OGG1: variants seen among roughly 807,000 people sequenced by gnomAD.
The protein encoded by OGG1 is 8-oxoguanine DNA glycosylase, also known as N-glycosylase/DNA lyase.
OGG1 carries 35 observed loss-of-function variants against 42.3 expected under a neutral mutation model. The ratio of observed to expected loss-of-function variants is 0.83; its 90% CI spans 0.63 to 1.10. OGG1 has a LOEUF of 1.10. Among genes scored for constraint, OGG1 ranks in the 50% least tolerant of loss-of-function variants. The probability of loss-of-function intolerance (pLI) is 0.00; values close to 1 mark genes in which losing one functional copy is unlikely to be tolerated. For synonymous variants in OGG1, 189 were observed against 179.0 expected, an observed-to-expected ratio of 1.06 and a Z score of -0.44; for missense variants, 484 against 446.7, an observed-to-expected ratio of 1.08 and a Z score of -0.75.
downstream of OGG1, among the ~76,000 whole-genome samples, chr3:9,771,702 A>C (rs1300295967): frequency 6.6e-6 from 1 of 151,384 alleles, no homozygotes; most frequent in Non-Finnish European, 1.5e-5. Flanking sequence ...CCCACCAAGC[A>C]CACCCACTGA....
At chr3:9,765,980 TG>T in exon 8 of OGG1, 1 of 1,614,188 alleles carries the variant, frequency 6.2e-7, no homozygotes. Context: ...CTGTGACCAC[TG>T]CTGGACCAAG....
At chr3:9,784,121 G>A (rs548979963) in intron 3 of OGG1, 4 of 1,614,206 alleles carry the variant, frequency 2.5e-6, no homozygotes, top group Middle Eastern at 1.6e-4. Context: ...CTCATCCTCG[G>A]AGTCCTCTGC....
At chr3:9,782,169 T>C (rs999809977) in intron 3 of OGG1, among the ~76,000 whole-genome samples, 2 of 152,178 alleles carry the variant, frequency 1.3e-5, no homozygotes, top group African/African-American at 4.8e-5. Flanking sequence ...TGCACATGCC[T>C]GCTTTTCTCT....
rs1372596554 is a variant in OGG1, at chr3:9,784,294, G to C, written c.382+2694G>C. On this transcript the variant is annotated intron_variant, in intron 3 of 3. Coordinates refer to the OGG1 transcript ENST00000426518. ...CTTGGAGGTTCCCAGGGCTTCCCAA[G>C]GTCAGTGAAAACCTGCCTTTCCCTT... 7.3e-6 allele frequency: 11 copies of C among 1,505,602 alleles called. No homozygotes were observed. In the East Asian group the frequency reaches 2.1e-4, roughly 29 times the overall value. 93.3% of individuals were successfully genotyped at this position (1,505,602 alleles called of 1,614,324 possible). A position where few individuals can be genotyped will look rare whatever the true frequency, so the allele number is the denominator to read the frequency against.
At chr3:9,782,523 C>T (rs561814406) in intron 3 of OGG1, among the ~76,000 whole-genome samples, 83 of 152,348 alleles carry the variant, frequency 5.4e-4, no homozygotes, top group African/African-American at 2.0e-3. Context: ...GCAACTACCT[C>T]TCCTTTTAAT....
At chr3:9,788,206 G>A (rs1173110659) in exon 4 of OGG1, 1 of 155,098 alleles carries the variant, frequency 6.4e-6, no homozygotes, top group Non-Finnish European at 1.4e-5. Context: ...TTCTTTAATG[G>A]AGCATGTTTT....
intron 4 of OGG1, 78 bp from the exon 5 acceptor site, chr3:9,756,393 C>T: frequency 6.8e-7 from 1 of 1,464,910 alleles, no homozygotes. Flanking sequence ...GAGAAAGCAG[C>T]CGGCTTTGGG....
At chr3:9,789,459 T>G, downstream of OGG1, 2 of 1,551,046 alleles carry the variant, frequency 1.3e-6, no homozygotes, top group Middle Eastern at 1.9e-4. Flanking sequence ...CTCAGGCACC[T>G]CTGAACTCTC....
chr3:9,773,829 G>T (rs1259192486), intron 2 of OGG1, among the ~76,000 whole-genome samples: 1 of 152,084 alleles, frequency 6.6e-6, no homozygotes, highest in East Asian at 1.9e-4. Context: ...AGTAGCTGGG[G>T]CTGCAGGTGT....
Position 9,766,625 on chromosome 3 carries a change from G to A in OGG1, c.*794G>A, listed in dbSNP as rs546428094. 69 of 1,045,534 alleles carry A rather than the reference G, an allele frequency of 6.6e-5. No homozygotes were observed. In the East Asian group the frequency reaches 4.5e-3, roughly 67 times the overall value. 64.8% of individuals were successfully genotyped at this position (1,045,534 alleles called of 1,614,324 possible). A position where few individuals can be genotyped will look rare whatever the true frequency, so the allele number is the denominator to read the frequency against. ...GTGTTTTAGAACAGGTTCTTAAAAA[G>A]GAACAAATAAACTCATTTAACTAAA... On this transcript the variant is annotated 3_prime_UTR_variant, in exon 8 of 8. Transcript: ENST00000302008.
At chr3:9,751,424 C>T (rs1247144742) in intron 2 of OGG1, among the ~76,000 whole-genome samples, 1 of 152,192 alleles carries the variant, frequency 6.6e-6, no homozygotes, top group Non-Finnish European at 1.5e-5. Context: ...ATTTTGAGCC[C>T]ATTCCTGGTT....
At chr3:9,772,910 A>G (rs1359761214) in intron 2 of OGG1, among the ~76,000 whole-genome samples, 9 of 152,312 alleles carry the variant, frequency 5.9e-5, no homozygotes, top group Non-Finnish European at 1.3e-4. Context: ...GTATACATAT[A>G]CATCCTTCTG....
chr3:9,762,059 C>T (rs548070842), downstream of OGG1: 17 of 274,214 alleles, frequency 6.2e-5, 1 homozygote, highest in East Asian at 1.5e-3. Flanking sequence ...TTAATGCCAT[C>T]CTCACTGCTT....
chr3:9,780,620 C>T (rs2125613625), intron 2 of OGG1: 2 of 1,472,650 alleles, frequency 1.4e-6, no homozygotes, highest in Non-Finnish European at 1.8e-6. Context: ...TCTTCAAGAC[C>T]GAGCCTACCC....
downstream of OGG1, among the ~76,000 whole-genome samples, chr3:9,788,731 C>T (rs147849695): frequency 5.6e-3 from 853 of 151,492 alleles, 8 homozygotes; most frequent in African/African-American, 0.02. Flanking sequence ...GTAGAGACGG[C>T]GTTTCACCAT....
At chr3:9,785,585 G>T (rs1200928597) in intron 3 of OGG1, among the ~76,000 whole-genome samples, 1 of 152,138 alleles carries the variant, frequency 6.6e-6, no homozygotes, top group African/African-American at 2.4e-5. Flanking sequence ...AAATTGCTTT[G>T]ATCATTCTAG....
At chr3:9,772,167 A>G (rs1286527826) in intron 2 of OGG1, among the ~76,000 whole-genome samples, 1 of 152,156 alleles carries the variant, frequency 6.6e-6, no homozygotes, top group Non-Finnish European at 1.5e-5. Flanking sequence ...GCTTTTGAGC[A>G]TTTCTGAGAG....
chr3:9,772,404 A>C (rs76575700), intron 2 of OGG1, among the ~76,000 whole-genome samples: 1 of 152,300 alleles, frequency 6.6e-6, no homozygotes, highest in African/African-American at 2.4e-5. Context: ...ATTGCAGGAA[A>C]AACACCAGAG....
chr3:9,786,988 T>G, intron 3 of OGG1: 1 of 1,603,768 alleles, frequency 6.2e-7, no homozygotes, highest in Non-Finnish European at 8.5e-7. Context: ...GGTTCCTCTT[T>G]TGGGTTAGGC....
Sources: gnomAD v4.1 joint callset for allele counts (sites outside exome capture counted in the v4.1 genomes callset) on GRCh38, gnomAD v4.1.1 for gene constraint, MANE v1.5 for transcripts, NCBI Gene and HGNC (gene_info 2026-07-23, HGNC 2026-07-21) for gene names.